The following CADM2 variants were observed in gnomAD, a reference collection of about 807,000 sequenced individuals.
CADM2 encodes the protein immunoglobulin superfamily member 4D.
Under a neutral mutation model 49.8 loss-of-function variants are expected in CADM2, and 12 were observed. The observed-to-expected ratio is 0.24, with a 90% CI of 0.15 to 0.39. The LOEUF is 0.39. Ranked by LOEUF, CADM2 falls within the 10% of genes least tolerant of loss-of-function variation. The pLI is 1.00. For synonymous variants in CADM2, 214 were observed against 175.4 expected, an observed-to-expected ratio of 1.22 and a Z score of -1.74; for missense variants, 378 against 492.3, an observed-to-expected ratio of 0.77 and a Z score of 2.20.
intron 5 of CADM2, among the ~76,000 whole-genome samples, chr3:85,895,263 A>G (rs1162109653): frequency 1.3e-5 from 2 of 152,232 alleles, no homozygotes; most frequent in African/African-American, 2.4e-5. Flanking sequence ...CTCTTGCATC[A>G]GTGCGACCTG....
At chr3:86,024,210 C>A (rs1344519642) in intron 8 of CADM2, among the ~76,000 whole-genome samples, 1 of 152,194 alleles carries the variant, frequency 6.6e-6, no homozygotes, top group East Asian at 1.9e-4. Flanking sequence ...AGTAGGCTGA[C>A]CCCTTTAACA....
intron 1 of CADM2, among the ~76,000 whole-genome samples, chr3:85,085,432 A>G (rs2037331149): frequency 6.6e-6 from 1 of 152,004 alleles, no homozygotes; most frequent in African/African-American, 2.4e-5. Flanking sequence ...TTATATATAT[A>G]TGTATATGTA....
At chr3:86,043,257 G>A (rs1293496997) in intron 8 of CADM2, among the ~76,000 whole-genome samples, 2 of 152,058 alleles carry the variant, frequency 1.3e-5, no homozygotes, top group Non-Finnish European at 2.9e-5. Flanking sequence ...AAGAAATGAA[G>A]GGTATTCAGT....
At chr3:85,308,105 G>C (rs1319675073) in intron 1 of CADM2, among the ~76,000 whole-genome samples, 2 of 151,672 alleles carry the variant, frequency 1.3e-5, no homozygotes, top group Non-Finnish European at 3.0e-5. Flanking sequence ...ATTTATTTTA[G>C]TGTCTGTTAG....
At chr3:85,942,976 T>C (rs1264663614) in intron 7 of CADM2, among the ~76,000 whole-genome samples, 2 of 152,044 alleles carry the variant, frequency 1.3e-5, no homozygotes, top group East Asian at 1.9e-4. Context: ...TCCTATTTCT[T>C]CACATCCTCT....
At chr3:85,925,923 G>A (rs1299107565) in intron 6 of CADM2, among the ~76,000 whole-genome samples, 2 of 151,984 alleles carry the variant, frequency 1.3e-5, no homozygotes, top group Non-Finnish European at 2.9e-5. Context: ...AGATCATGAG[G>A]TCAGGAGATC....
intron 1 of CADM2, among the ~76,000 whole-genome samples, chr3:85,063,771 T>C (rs1190381892): frequency 6.6e-6 from 1 of 151,966 alleles, no homozygotes; most frequent in Non-Finnish European, 1.5e-5. Context: ...AGAACATGAG[T>C]TCCACCTTGA....
intron 1 of CADM2, among the ~76,000 whole-genome samples, chr3:85,459,187 A>G (rs1022073871): frequency 1.3e-5 from 2 of 152,124 alleles, no homozygotes; most frequent in African/African-American, 2.4e-5. Flanking sequence ...GTTCTCTGAG[A>G]TTCTCCCCAT....
intron 1 of CADM2, among the ~76,000 whole-genome samples, chr3:85,384,164 A>G (rs1253170046): frequency 6.6e-6 from 1 of 152,066 alleles, no homozygotes; most frequent in Admixed American, 6.5e-5. Flanking sequence ...TTAAATCTGT[A>G]CCTGTCTGAA....
At chr3:86,020,752 A>T (rs1733046941) in intron 8 of CADM2, among the ~76,000 whole-genome samples, 2 of 152,360 alleles carry the variant, frequency 1.3e-5, no homozygotes, top group African/African-American at 2.4e-5. Context: ...GATTATTTCA[A>T]TAGATGCAGA....
At chr3:85,534,974 A>G (rs546558552) in intron 1 of CADM2, among the ~76,000 whole-genome samples, 62 of 152,296 alleles carry the variant, frequency 4.1e-4, no homozygotes, top group Non-Finnish European at 6.2e-4. Flanking sequence ...CATTACAGCC[A>G]CAAAATGTAT....
intron 1 of CADM2, among the ~76,000 whole-genome samples, chr3:85,001,830 AAAAT>A (rs1425493478): frequency 2.6e-5 from 4 of 152,110 alleles, no homozygotes; most frequent in African/African-American, 9.7e-5. Flanking sequence ...TAAAATTAAA[AAAAT>A]AAACATGTAT....
rs1358880596 is a variant in CADM2, at chr3:85,610,825, G to T, written c.62-115697G>T. Among the ~76,000 whole-genome samples the T allele has an allele frequency of 2.0e-5, 3 of 151,914 alleles. No individual in the cohort carries two copies. The East Asian group carries it at 5.8e-4, about 29-fold the overall frequency. ...ATGTATTAACTTTGAAAATGATTAT[G>T]AATATCTTTTTATTTGATTTTTGAA... On this transcript the variant is annotated intron_variant, in intron 1 of 9. Coordinates refer to ENST00000383699, the MANE Select transcript of CADM2 (RefSeq NM_001167675.2).
chr3:85,266,275 A>C (rs2043119601), intron 1 of CADM2, among the ~76,000 whole-genome samples: 1 of 151,872 alleles, frequency 6.6e-6, no homozygotes, highest in Admixed American at 6.6e-5. Context: ...TCTCACCTGA[A>C]ATTGTTTTAA....
chr3:85,392,848 A>G (rs2034583172), intron 1 of CADM2, among the ~76,000 whole-genome samples: 1 of 152,124 alleles, frequency 6.6e-6, no homozygotes, highest in Admixed American at 6.5e-5. Context: ...GTACATTTGT[A>G]ATGATATTTT....
At chr3:84,995,067 T>C (rs2033104895) in intron 1 of CADM2, among the ~76,000 whole-genome samples, 1 of 152,108 alleles carries the variant, frequency 6.6e-6, no homozygotes. Context: ...ATGTAAGTGT[T>C]CATCCATTCA....
chr3:85,473,080 A>C (rs540006940), intron 1 of CADM2, among the ~76,000 whole-genome samples: 3 of 152,218 alleles, frequency 2.0e-5, no homozygotes, highest in South Asian at 2.1e-4. Context: ...AACAGAAGTT[A>C]ACTTCATTAC....
chr3:85,816,081 A>T (rs1215913293), intron 3 of CADM2, among the ~76,000 whole-genome samples: 3 of 152,096 alleles, frequency 2.0e-5, no homozygotes, highest in African/African-American at 7.2e-5. Flanking sequence ...TATTTTTGAT[A>T]AGATGTATTA....
intron 2 of CADM2, among the ~76,000 whole-genome samples, chr3:85,753,573 G>A (rs74977119): frequency 6.6e-6 from 1 of 152,124 alleles, no homozygotes; most frequent in Admixed American, 6.6e-5. Context: ...CACATAAGAA[G>A]TCGGTCTACT....
Sources: gnomAD v4.1 joint callset for allele counts (sites outside exome capture counted in the v4.1 genomes callset) on GRCh38, gnomAD v4.1.1 for gene constraint, MANE v1.5 for transcripts, NCBI Gene and HGNC (gene_info 2026-07-23, HGNC 2026-07-21) for gene names.